SEM1: variants seen among roughly 807,000 people sequenced by gnomAD.
SEM1 encodes the protein SEM1 26S proteasome subunit, also known as 26S proteasome complex subunit SEM1.
Under a neutral mutation model 12.7 loss-of-function variants are expected in SEM1, and 3 were observed. That is an observed-to-expected ratio of 0.24 (90% confidence interval 0.11 to 0.61). The LOEUF (loss-of-function observed/expected upper bound fraction) is 0.61. SEM1 is among the 20% of genes least tolerant of loss of function. The probability of loss-of-function intolerance (pLI) is 0.88; values close to 1 mark genes in which losing one functional copy is unlikely to be tolerated. For synonymous variants in SEM1, 30 were observed against 27.8 expected (o/e 1.08, Z -0.25); for missense variants, 59 against 81.3 (o/e 0.73, Z 1.06).
chr7:96,491,491 C>A (rs1803005835), intron 1 of SEM1, among the ~76,000 whole-genome samples: 1 of 152,156 alleles, frequency 6.6e-6, no homozygotes, highest in African/African-American at 2.4e-5. Flanking sequence ...TCACATCTTA[C>A]TAGTTTATTT....
intron 2 of SEM1, among the ~76,000 whole-genome samples, chr7:96,691,586 C>T (rs1789934544): frequency 6.6e-6 from 1 of 152,172 alleles, no homozygotes; most frequent in African/African-American, 2.4e-5. Flanking sequence ...CAGTAAACTC[C>T]ATTCTTTACC....
intron 2 of SEM1, among the ~76,000 whole-genome samples, chr7:96,585,503 A>C (rs930320075): frequency 1.3e-5 from 2 of 152,186 alleles, no homozygotes; most frequent in Non-Finnish European, 2.9e-5. Flanking sequence ...ACCCAGTTGG[A>C]ACTTGCCAGC....
intron 2 of SEM1, among the ~76,000 whole-genome samples, chr7:96,542,089 G>A (rs1008001811): frequency 4.6e-5 from 7 of 150,782 alleles, no homozygotes; most frequent in African/African-American, 1.7e-4. Flanking sequence ...TTTTTTTGGG[G>A]GAGGGGGTTC....
chr7:96,538,337 G>C (rs1804852196), intron 2 of SEM1, among the ~76,000 whole-genome samples: 1 of 151,756 alleles, frequency 6.6e-6, no homozygotes, highest in South Asian at 2.1e-4. Flanking sequence ...TGTCTCTTCA[G>C]ACTATGTTTG....
At chr7:96,686,872 T>G, downstream of SEM1, among the ~76,000 whole-genome samples, 1 of 151,822 alleles carries the variant, frequency 6.6e-6, no homozygotes, top group Non-Finnish European at 1.5e-5. Flanking sequence ...TGGGAGAAAA[T>G]TTTTGCAACC....
chr7:96,591,251 C>T (rs951285986), intron 2 of SEM1, among the ~76,000 whole-genome samples: 6 of 152,006 alleles, frequency 3.9e-5, no homozygotes, highest in African/African-American at 7.3e-5. Context: ...TTTCTTTACA[C>T]GAACAGCAAA....
At chr7:96,701,591 T>C (rs997231725) in intron 1 of SEM1, among the ~76,000 whole-genome samples, 7 of 152,206 alleles carry the variant, frequency 4.6e-5, no homozygotes, top group Non-Finnish European at 8.8e-5. Flanking sequence ...ATTACAATAA[T>C]GTAATTCTTT....
chr7:96,673,973 C>T, intron 2 of SEM1: 1 of 657,870 alleles, frequency 1.5e-6, no homozygotes, highest in Non-Finnish European at 2.8e-6. Context: ...ACCCCTTATG[C>T]CCCAGTCCCA....
intron 2 of SEM1, among the ~76,000 whole-genome samples, chr7:96,653,476 T>G (rs1210715601): frequency 6.6e-6 from 1 of 152,130 alleles, no homozygotes; most frequent in Non-Finnish European, 1.5e-5. Flanking sequence ...TTAAGGTGAT[T>G]TCAGCTAAGG....
intron 2 of SEM1, among the ~76,000 whole-genome samples, chr7:96,605,557 G>A (rs1009939488): frequency 6.6e-6 from 1 of 152,166 alleles, no homozygotes; most frequent in Non-Finnish European, 1.5e-5. Flanking sequence ...CATTTAGATT[G>A]GGACTGCTTC....
intron 2 of SEM1, among the ~76,000 whole-genome samples, chr7:96,631,931 C>G (rs1276391393): frequency 6.6e-6 from 1 of 152,194 alleles, no homozygotes; most frequent in Non-Finnish European, 1.5e-5. Flanking sequence ...GACATTTATA[C>G]AGCCAACGGA....
chr7:96,677,931 C>T (rs1350888040), intron 2 of SEM1, among the ~76,000 whole-genome samples: 4 of 152,178 alleles, frequency 2.6e-5, no homozygotes, highest in Non-Finnish European at 4.4e-5. Flanking sequence ...GAGCAATCTA[C>T]TTAACTTGCA....
chr7:96,704,277 G>A (rs753614787), intron 1 of SEM1, among the ~76,000 whole-genome samples: 1 of 151,958 alleles, frequency 6.6e-6, no homozygotes, highest in Non-Finnish European at 1.5e-5. Context: ...AACATTTAAC[G>A]TTGGTTATCA....
intron 2 of SEM1, among the ~76,000 whole-genome samples, chr7:96,652,687 TTA>T (rs1809039116): frequency 6.6e-6 from 1 of 152,192 alleles, no homozygotes; most frequent in African/African-American, 2.4e-5. Context: ...TCATCTTCAG[TTA>T]TGTTTCCCAA....
intron 2 of SEM1, among the ~76,000 whole-genome samples, chr7:96,595,506 A>G (rs1296389087): frequency 6.6e-6 from 1 of 152,062 alleles, no homozygotes. Context: ...CCCATCTCAC[A>G]AAAACACAAA....
intron 2 of SEM1, among the ~76,000 whole-genome samples, chr7:96,610,778 A>T (rs1445157668): frequency 6.6e-6 from 1 of 152,188 alleles, no homozygotes; most frequent in Non-Finnish European, 1.5e-5. Context: ...GCAGTAGGAG[A>T]TTCAAAAATG....
At chr7:96,664,257 AGCCGACTGCATTCCTTCCTG>A (rs1421818306) in intron 2 of SEM1, 13 of 152,368 alleles carry the variant, frequency 8.5e-5, no homozygotes, top group African/African-American at 2.9e-4. Context: ...GGAAGGTGTT[AGCCGACTGCATTCCTTCCTG>A]GAGGCTCTAG....
intron 2 of SEM1, among the ~76,000 whole-genome samples, chr7:96,680,509 T>C (rs977491421): frequency 6.6e-6 from 1 of 152,060 alleles, no homozygotes; most frequent in African/African-American, 2.4e-5. Context: ...ATCTAGAGTT[T>C]TAAATGTGTT....
chr7:96,573,313 T>G (rs891949441), intron 2 of SEM1, among the ~76,000 whole-genome samples: 1 of 152,218 alleles, frequency 6.6e-6, no homozygotes, highest in Admixed American at 6.5e-5. Context: ...TAAGTGTGAA[T>G]TTGATCCTGT....
Sources: allele counts gnomAD v4.1 joint callset (sites outside exome capture counted in the v4.1 genomes callset), GRCh38; gene constraint gnomAD v4.1.1; transcripts MANE v1.5; gene names NCBI Gene and HGNC (gene_info 2026-07-23, HGNC 2026-07-21).